The following NANS variants were observed in gnomAD, a reference collection of about 807,000 sequenced individuals.
NANS encodes the protein N-acetylneuraminate-9-phosphate synthase.
A neutral mutation model predicts 33.3 loss-of-function variants in NANS; 29 were observed. The observed-to-expected ratio is 0.87, with a 90% confidence interval of 0.65 to 1.19. NANS has a LOEUF of 1.19. Among genes scored for constraint, NANS ranks in the 50% most tolerant of loss-of-function variants. NANS has a pLI of 0.00. For synonymous variants in NANS, 163 were observed against 177.2 expected (o/e 0.92, Z 0.64); for missense variants, 394 against 461.1 (o/e 0.85, Z 1.33).
chr9:98,058,044 T>G (rs1237905902), intron 1 of NANS, among the ~76,000 whole-genome samples: 1 of 145,572 alleles, frequency 6.9e-6, no homozygotes, highest in Admixed American at 7.1e-5. Context: ...CACCTCAGCC[T>G]CCCGAGTAGC....
Position 98,081,378 on chromosome 9 carries a change from C to G in NANS, c.870+296C>G, listed in dbSNP as rs16912622. On this transcript the variant is annotated intron_variant, in intron 5 of 5. Coordinates refer to ENST00000210444, the MANE Select transcript of NANS (RefSeq NM_018946.4). ...AGCCCATGGCCCCAGTACTCCTAGA[C>G]TCCAGAATATGTAACAGGAGTGAGG... The G allele has an allele frequency of 2.6e-5, 10 of 382,608 alleles. No individual in the cohort carries two copies. In the East Asian group the frequency reaches 4.7e-4, roughly 18 times the overall value. 23.7% of individuals were successfully genotyped at this position (382,608 alleles called of 1,614,324 possible).
chr9:98,078,127 A>T, intron 3 of NANS, 66 bp from the exon 4 acceptor site: 1 of 1,601,156 alleles, frequency 6.2e-7, no homozygotes, highest in Non-Finnish European at 8.5e-7. Context: ...AGCAGTTGGG[A>T]TGTGTTGGGG....
intron 5 of NANS, chr9:98,081,955 C>CTTAA (rs1205258529): frequency 3.9e-5 from 6 of 152,210 alleles, no homozygotes; most frequent in Non-Finnish European, 7.3e-5. Context: ...CAGCTGAGCA[C>CTTAA]TTAATTTGGC....
intron 2 of NANS, among the ~76,000 whole-genome samples, chr9:98,073,586 G>C (rs561342546): frequency 1.8e-4 from 27 of 149,708 alleles, no homozygotes; most frequent in South Asian, 1.1e-3. Context: ...CCTGGCCTGG[G>C]CTTCTTTTTT....
chr9:98,071,116 T>A (rs950940535), intron 2 of NANS, among the ~76,000 whole-genome samples: 6 of 152,210 alleles, frequency 3.9e-5, no homozygotes, highest in Non-Finnish European at 7.3e-5. Flanking sequence ...TTGGCCTCCT[T>A]AGTAATTTTT....
At chr9:98,068,631 A>G (rs1038115456) in intron 2 of NANS, among the ~76,000 whole-genome samples, 4 of 150,642 alleles carry the variant, frequency 2.7e-5, no homozygotes, top group Non-Finnish European at 5.9e-5. Context: ...CTGGGCAACA[A>G]TAGCAAGACC....
chr9:98,077,517 T>A (rs530622454), intron 3 of NANS, among the ~76,000 whole-genome samples: 79 of 152,058 alleles, frequency 5.2e-4, no homozygotes, highest in African/African-American at 1.9e-3. Flanking sequence ...TCCTAGAAAA[T>A]TTTTTAACTA....
chr9:98,074,724 C>G lies in NANS; in HGVS notation c.349-2194C>G, dbSNP rs528665662. ...AAGGTGTTTTTCTGCACTTGTCCCC[C>G]CTCCTTGCCCCGATCGCTCTGCCCC... On this transcript the variant is annotated intron_variant, in intron 2 of 5. Coordinates refer to ENST00000210444, the MANE Select transcript of NANS (RefSeq NM_018946.4). 3.3e-5 allele frequency: 5 copies of G among 152,128 alleles called. No individual in the cohort carries two copies. In the South Asian group the frequency reaches 6.2e-4, roughly 19 times the overall value. 9.4% of individuals were successfully genotyped at this position (152,128 alleles called of 1,614,324 possible). A position where few individuals can be genotyped will look rare whatever the true frequency, so the allele number is the denominator to read the frequency against.
intron 2 of NANS, among the ~76,000 whole-genome samples, chr9:98,065,349 G>A (rs914297317): frequency 1.7e-5 from 1 of 59,674 alleles, no homozygotes; most frequent in South Asian, 6.2e-4. Flanking sequence ...TTTCGTTATT[G>A]TTGCCCAGGC....
At chr9:98,081,934 A>G (rs1829882761) in intron 5 of NANS, 1 of 152,240 alleles carries the variant, frequency 6.6e-6, no homozygotes, top group African/African-American at 2.4e-5. Flanking sequence ...AAACCAGAGT[A>G]AGATTTATAA....
At chr9:98,078,669 T>A (rs556946940) in intron 4 of NANS, among the ~76,000 whole-genome samples, 15 of 151,838 alleles carry the variant, frequency 9.9e-5, no homozygotes, top group African/African-American at 3.4e-4. Context: ...AACCCCTTCT[T>A]ATTAAAAATA....
chr9:98,064,465 A>G (rs1829076368), intron 2 of NANS, among the ~76,000 whole-genome samples: 1 of 152,162 alleles, frequency 6.6e-6, no homozygotes, highest in South Asian at 2.1e-4. Context: ...CATGTTGACC[A>G]GGCTGGTCTT....
intron 2 of NANS, among the ~76,000 whole-genome samples, chr9:98,073,572 C>T (rs1185192814): frequency 2.0e-5 from 3 of 150,674 alleles, no homozygotes; most frequent in South Asian, 2.1e-4. Context: ...CGTGAGCCAC[C>T]GCGCCTGGCC....
chr9:98,057,369 C>T lies in NANS; in HGVS notation c.132+429C>T, dbSNP rs191977614. ...TTCTTCAGCGACACAGAGTTACTTT[C>T]AGGAATGACAGTTCCTGGAAGTTGC... On this transcript the variant is annotated intron_variant, in intron 1 of 5. Transcript: ENST00000210444. Among the ~76,000 whole-genome samples the T allele has an allele frequency of 2.6e-5, 4 of 152,278 alleles. No homozygotes were observed. The East Asian group carries it at 7.7e-4, about 29-fold the overall frequency.
intron 2 of NANS, chr9:98,075,395 GAGGGAGGGAGGAAGGAA>G (rs1816760944): frequency 6.7e-6 from 1 of 150,112 alleles, no homozygotes; most frequent in Admixed American, 6.6e-5. Context: ...GAAACGGTGG[GAGGGAGGGAGGAAGGAA>G]AGGGAGAGAG....
intron 2 of NANS, among the ~76,000 whole-genome samples, chr9:98,073,983 G>A (rs1395582223): frequency 1.3e-5 from 2 of 151,468 alleles, no homozygotes; most frequent in South Asian, 2.1e-4. Flanking sequence ...ACGGGATTTC[G>A]CCATGTTGCC....
intron 2 of NANS, 45 bp from the exon 3 acceptor site, chr9:98,076,873 T>G (rs1426985824): frequency 6.7e-7 from 1 of 1,494,186 alleles, no homozygotes; most frequent in Non-Finnish European, 9.3e-7. Flanking sequence ...AACAACAGTG[T>G]TTTTGGACAA....
At chr9:98,073,603 T>C (rs1458689244) in intron 2 of NANS, among the ~76,000 whole-genome samples, 1 of 150,560 alleles carries the variant, frequency 6.6e-6, no homozygotes, top group African/African-American at 2.4e-5. Context: ...TTTTTTTTTT[T>C]CCAATCCTGA....
chr9:98,078,448 A>ACCC (rs1829693051), intron 4 of NANS, 101 bp downstream of exon 4: 10 of 1,397,326 alleles, frequency 7.2e-6, no homozygotes, highest in South Asian at 1.4e-5. Context: ...ATACTTTATA[A>ACCC]TTTGAACATC....
Sources: allele counts gnomAD v4.1 joint callset (sites outside exome capture counted in the v4.1 genomes callset), GRCh38; gene constraint gnomAD v4.1.1; transcripts MANE v1.5; gene names NCBI Gene and HGNC (gene_info 2026-07-23, HGNC 2026-07-21).